The following FANCC variants were observed in gnomAD, a reference collection of about 807,000 sequenced individuals.
FANCC encodes FA complementation group C.
A neutral mutation model predicts 71.3 loss-of-function variants in FANCC; 55 were observed. The ratio of observed to expected loss-of-function variants is 0.77; its 90% CI spans 0.62 to 0.97. The LOEUF is 0.97. Ranked by LOEUF, FANCC falls within the 50% of genes least tolerant of loss-of-function variation. The probability of loss-of-function intolerance (pLI) is 0.00; values close to 1 mark genes in which losing one functional copy is unlikely to be tolerated. For synonymous variants in FANCC, 275 were observed against 244.9 expected (o/e 1.12, Z -1.15); for missense variants, 678 against 670.9 (o/e 1.01, Z -0.12).
At chr9:95,158,970 G>A (rs759457151) in intron 6 of FANCC, among the ~76,000 whole-genome samples, 11 of 152,034 alleles carry the variant, frequency 7.2e-5, no homozygotes, top group South Asian at 6.2e-4. Context: ...CTAAGGACAC[G>A]GATGTCCTAG....
chr9:95,180,181 AT>A (rs1826251410), intron 4 of FANCC, among the ~76,000 whole-genome samples: 1 of 152,086 alleles, frequency 6.6e-6, no homozygotes, highest in Non-Finnish European at 1.5e-5. Context: ...CAGGTAATTA[AT>A]ATCACTGTCT....
intron 4 of FANCC, among the ~76,000 whole-genome samples, chr9:95,197,468 G>A (rs1372320018): frequency 2.0e-5 from 3 of 152,172 alleles, no homozygotes; most frequent in Non-Finnish European, 4.4e-5. Flanking sequence ...GGGTCTGGGA[G>A]GTCAAGGCTA....
At chr9:95,189,402 C>G (rs1295899356) in intron 4 of FANCC, among the ~76,000 whole-genome samples, 1 of 152,148 alleles carries the variant, frequency 6.6e-6, no homozygotes, top group Non-Finnish European at 1.5e-5. Context: ...TTTACATAGC[C>G]TATTCCGTGA....
chr9:95,143,190 A>G (rs1421291639), intron 7 of FANCC, among the ~76,000 whole-genome samples: 2 of 152,228 alleles, frequency 1.3e-5, no homozygotes, highest in Admixed American at 1.3e-4. Flanking sequence ...CACATGGAAG[A>G]GATGCATGGG....
intron 4 of FANCC, among the ~76,000 whole-genome samples, chr9:95,222,510 G>A (rs1829343338): frequency 6.6e-6 from 1 of 152,118 alleles, no homozygotes. Flanking sequence ...ACTATAAAAG[G>A]GCAAGAGAGA....
chr9:95,292,742 A>G, intron 1 of FANCC: 1 of 1,367,532 alleles, frequency 7.3e-7, no homozygotes, highest in Non-Finnish European at 1.0e-6. Flanking sequence ...GTCCAATCGA[A>G]GGCTGCCCCA....
At chr9:95,135,932 G>GTA (rs1302663665) in intron 7 of FANCC, among the ~76,000 whole-genome samples, 2 of 152,200 alleles carry the variant, frequency 1.3e-5, no homozygotes, top group Non-Finnish European at 2.9e-5. Context: ...CTAACTGTAT[G>GTA]ATCTCAGAGA....
At chr9:95,214,366 A>T (rs1828717523) in intron 4 of FANCC, among the ~76,000 whole-genome samples, 1 of 152,218 alleles carries the variant, frequency 6.6e-6, no homozygotes, top group Non-Finnish European at 1.5e-5. Context: ...CAGGAGTTTG[A>T]GACTACAGTG....
At chr9:95,223,238 C>T (rs1423402644) in intron 4 of FANCC, among the ~76,000 whole-genome samples, 1 of 152,192 alleles carries the variant, frequency 6.6e-6, no homozygotes, top group Non-Finnish European at 1.5e-5. Flanking sequence ...AGAATTCTGA[C>T]AGCAAGGTGT....
chr9:95,292,351 AGGCGGTGGCGGC>A (rs1314488297), intron 1 of FANCC: 8 of 934,316 alleles, frequency 8.6e-6, no homozygotes, highest in Non-Finnish European at 1.0e-5. Context: ...GCGGCCTCGG[AGGCGGTGGCGGC>A]GGCGGGGTCC....
chr9:95,176,804 G>C (rs1299500643), intron 4 of FANCC, among the ~76,000 whole-genome samples: 2 of 152,230 alleles, frequency 1.3e-5, no homozygotes, highest in Non-Finnish European at 2.9e-5. Flanking sequence ...AACCAGTTTT[G>C]AGCAGTAACA....
At chr9:95,107,309 GCAGGACAGA>G in intron 13 of FANCC, 40 bp from the exon 14 acceptor site, 1 of 1,590,862 alleles carries the variant, frequency 6.3e-7, no homozygotes, top group Non-Finnish European at 8.6e-7. Flanking sequence ...TTAGGAAGAG[GCAGGACAGA>G]CATACTTCTA....
chr9:95,247,736 TAA>T (rs752345819), intron 2 of FANCC, among the ~76,000 whole-genome samples: 44 of 152,304 alleles, frequency 2.9e-4, no homozygotes, highest in Non-Finnish European at 4.4e-4. Flanking sequence ...GTCACCAAAC[TAA>T]GATGTATGAC....
intron 4 of FANCC, among the ~76,000 whole-genome samples, chr9:95,187,028 C>A (rs979097137): frequency 3.3e-5 from 5 of 152,116 alleles, no homozygotes; most frequent in African/African-American, 4.8e-5. Context: ...GTGCCTTGAC[C>A]TCCCAAAGTG....
intron 14 of FANCC, among the ~76,000 whole-genome samples, chr9:95,106,026 G>A (rs944074036): frequency 1.3e-5 from 2 of 152,192 alleles, no homozygotes; most frequent in Non-Finnish European, 2.9e-5. Context: ...AAGTTTGGCT[G>A]TTTGAGGAAC....
intron 4 of FANCC, among the ~76,000 whole-genome samples, chr9:95,192,642 C>T (rs568803308): frequency 6.6e-6 from 1 of 152,102 alleles, no homozygotes; most frequent in African/African-American, 2.4e-5. Flanking sequence ...ATTTGACTAT[C>T]AAATTTTTAA....
intron 4 of FANCC, among the ~76,000 whole-genome samples, chr9:95,231,617 G>T (rs573684351): frequency 3.3e-5 from 5 of 152,220 alleles, no homozygotes; most frequent in African/African-American, 1.2e-4. Flanking sequence ...CATGGCCATG[G>T]GATAAAGAAC....
At chr9:95,255,390 C>T (rs1300087269) in intron 1 of FANCC, among the ~76,000 whole-genome samples, 1 of 152,124 alleles carries the variant, frequency 6.6e-6, no homozygotes, top group African/African-American at 2.4e-5. Context: ...GTTCTGAAAC[C>T]TCCACTGGTG....
chr9:95,163,750 G>A (rs1359763981), intron 6 of FANCC, among the ~76,000 whole-genome samples: 1 of 152,204 alleles, frequency 6.6e-6, no homozygotes, highest in African/African-American at 2.4e-5. Context: ...TCGGGAGGCT[G>A]AGGCAGGAGA....
Sources: gnomAD v4.1 joint callset for allele counts (sites outside exome capture counted in the v4.1 genomes callset) on GRCh38, gnomAD v4.1.1 for gene constraint, MANE v1.5 for transcripts, NCBI Gene and HGNC (gene_info 2026-07-23, HGNC 2026-07-21) for gene names.